RBFOX1: variants seen among roughly 807,000 people sequenced by gnomAD.
RBFOX1 encodes the protein RNA binding protein fox-1 homolog 1.
A neutral mutation model predicts 57.7 loss-of-function variants in RBFOX1; 8 were observed. That is an observed-to-expected ratio of 0.14 (90% CI 0.08 to 0.25). RBFOX1 has a LOEUF of 0.25. RBFOX1 is among the 10% of genes least tolerant of loss of function. RBFOX1 has a pLI of 1.00. For synonymous variants in RBFOX1, 326 were observed against 222.4 expected (o/e 1.47, Z -4.15); for missense variants, 611 against 548.5 (o/e 1.11, Z -1.14).
intron 4 of RBFOX1, among the ~76,000 whole-genome samples, chr16:5,992,517 A>G (rs1163946808): frequency 2.6e-5 from 4 of 152,192 alleles, no homozygotes; most frequent in Non-Finnish European, 5.9e-5. Flanking sequence ...GGTATGAGTC[A>G]CCAAGCCTTC....
At chr16:6,815,248 C>T (rs1156382291) in intron 3 of RBFOX1, among the ~76,000 whole-genome samples, 2 of 152,068 alleles carry the variant, frequency 1.3e-5, no homozygotes, top group Admixed American at 6.6e-5. Flanking sequence ...CTCTCATTGC[C>T]ATCTTGGTTT....
At chr16:6,200,427 TGGG>T in intron 1 of RBFOX1, among the ~76,000 whole-genome samples, 1 of 152,112 alleles carries the variant, frequency 6.6e-6, no homozygotes, top group East Asian at 1.9e-4. Context: ...TCAAATGGTG[TGGG>T]TGATTCCAGT....
chr16:5,681,475 C>G (rs35766415), intron 3 of RBFOX1, among the ~76,000 whole-genome samples: 26,425 of 150,410 alleles, frequency 0.18, 3,292 homozygotes, highest in East Asian at 0.56. Context: ...TGCAACCTCC[C>G]CATCCCCGGT....
intron 3 of RBFOX1, among the ~76,000 whole-genome samples, chr16:5,809,494 C>G (rs1429043065): frequency 6.6e-6 from 1 of 152,008 alleles, no homozygotes; most frequent in Non-Finnish European, 1.5e-5. Context: ...ACAAACAACC[C>G]CATCAAAAAC....
intron 3 of RBFOX1, among the ~76,000 whole-genome samples, chr16:6,839,525 A>T (rs538246541): frequency 6.6e-6 from 1 of 152,198 alleles, no homozygotes; most frequent in Non-Finnish European, 1.5e-5. Context: ...TGAAATTTTA[A>T]TCAGACAGAC....
At chr16:5,972,518 G>T (rs2059983716) in intron 4 of RBFOX1, among the ~76,000 whole-genome samples, 1 of 152,194 alleles carries the variant, frequency 6.6e-6, no homozygotes, top group Non-Finnish European at 1.5e-5. Context: ...GGAAAGGGAA[G>T]GGGAGTTGGC....
intron 4 of RBFOX1, among the ~76,000 whole-genome samples, chr16:7,251,030 A>G (rs554657121): frequency 9.2e-5 from 14 of 152,088 alleles, no homozygotes; most frequent in African/African-American, 1.2e-4. Context: ...CTTAAAATCT[A>G]CTCTTCCAGT....
intron 3 of RBFOX1, among the ~76,000 whole-genome samples, chr16:6,691,464 T>A (rs1361688388): frequency 9.4e-6 from 1 of 106,528 alleles, no homozygotes; most frequent in Admixed American, 1.0e-4. Flanking sequence ...TTCCTTTTTC[T>A]TTATTTTTTT....
chr16:6,742,630 A>G (rs542292321), intron 3 of RBFOX1, among the ~76,000 whole-genome samples: 1 of 152,236 alleles, frequency 6.6e-6, no homozygotes, highest in Non-Finnish European at 1.5e-5. Context: ...AGATACCCGT[A>G]CTGTGAACTA....
intron 4 of RBFOX1, among the ~76,000 whole-genome samples, chr16:7,159,670 A>G (rs1469465199): frequency 1.3e-5 from 2 of 152,172 alleles, no homozygotes; most frequent in Non-Finnish European, 2.9e-5. Context: ...CAATTTGCAG[A>G]AGGCAGTTTT....
At chr16:6,055,656 G>C (rs1432617662) in intron 1 of RBFOX1, among the ~76,000 whole-genome samples, 1 of 148,666 alleles carries the variant, frequency 6.7e-6, no homozygotes, top group African/African-American at 2.5e-5. Context: ...TCTCATGGAA[G>C]TTTGCAGTCT....
At chr16:6,612,843 C>G (rs1331902070) in intron 2 of RBFOX1, among the ~76,000 whole-genome samples, 2 of 90,784 alleles carry the variant, frequency 2.2e-5, no homozygotes, top group Admixed American at 1.4e-4. Flanking sequence ...CAGTGAGACT[C>G]TCTCTCAAAA....
intron 1 of RBFOX1, among the ~76,000 whole-genome samples, chr16:6,295,326 A>G (rs564618088): frequency 2.6e-5 from 4 of 152,144 alleles, no homozygotes; most frequent in Non-Finnish European, 5.9e-5. Context: ...AGGTTTCATC[A>G]TGTTGGCCAG....
intron 4 of RBFOX1, among the ~76,000 whole-genome samples, chr16:5,894,476 T>C (rs1243324032): frequency 6.6e-6 from 1 of 152,064 alleles, no homozygotes; most frequent in Non-Finnish European, 1.5e-5. Flanking sequence ...GGTTTTGCCA[T>C]GTTGGCCTGG....
intron 3 of RBFOX1, among the ~76,000 whole-genome samples, chr16:5,751,857 A>G (rs1461323478): frequency 1.3e-5 from 2 of 152,212 alleles, no homozygotes; most frequent in Non-Finnish European, 2.9e-5. Context: ...ATTGTGGAAG[A>G]CAGTGTGGCA....
At chr16:6,183,608 T>G (rs2097084028) in intron 1 of RBFOX1, among the ~76,000 whole-genome samples, 1 of 152,120 alleles carries the variant, frequency 6.6e-6, no homozygotes, top group South Asian at 2.1e-4. Flanking sequence ...ATCTCTGATG[T>G]GTAACATTTG....
At chr16:7,439,116 G>C (rs896947720) in intron 4 of RBFOX1, among the ~76,000 whole-genome samples, 11 of 152,170 alleles carry the variant, frequency 7.2e-5, no homozygotes, top group African/African-American at 2.7e-4. Flanking sequence ...TCCTCGCGCT[G>C]GCAAATGGAT....
intron 11 of RBFOX1, among the ~76,000 whole-genome samples, chr16:7,650,116 GGAAGGAAGGAATGTAAGA>G (rs1568280631): frequency 1.3e-5 from 2 of 151,430 alleles, no homozygotes; most frequent in African/African-American, 4.9e-5. Context: ...AGTATAAGAA[GGAAGGAAGGAATGTAAGA>G]AAGAAAGGAA....
At chr16:5,604,360 G>C (rs979382338), downstream of RBFOX1, among the ~76,000 whole-genome samples, 3 of 152,158 alleles carry the variant, frequency 2.0e-5, no homozygotes, top group African/African-American at 7.2e-5. Context: ...GGAGCTGGGA[G>C]TTTCATCTGG....
Sources: gnomAD v4.1 joint callset for allele counts (sites outside exome capture counted in the v4.1 genomes callset) on GRCh38, gnomAD v4.1.1 for gene constraint, MANE v1.5 for transcripts, NCBI Gene and HGNC (gene_info 2026-07-23, HGNC 2026-07-21) for gene names.